The following NIPBL variants were observed in gnomAD, a reference collection of about 807,000 sequenced individuals.
NIPBL encodes NIPBL cohesin loading factor.
In NIPBL, 19 loss-of-function variants were observed where a neutral mutation model predicts 321.8. The observed-to-expected ratio is 0.06, with a 90% CI of 0.04 to 0.09. The LOEUF (loss-of-function observed/expected upper bound fraction) is 0.09. NIPBL is among the 10% of genes least tolerant of loss of function. The pLI is 1.00. For missense variants in NIPBL, 2,210 were observed against 3,327.0 expected (o/e 0.66, Z 8.26); for synonymous variants, 1,106 against 1,114.1 (o/e 0.99, Z 0.14).
intron 32 of NIPBL, among the ~76,000 whole-genome samples, chr5:37,030,888 G>A (rs923856051): frequency 1.4e-5 from 2 of 146,720 alleles, no homozygotes; most frequent in Admixed American, 1.4e-4. Flanking sequence ...CCAAGTAGCT[G>A]GAACCACAGG....
chr5:36,953,223 A>G (rs1026874664), intron 1 of NIPBL, among the ~76,000 whole-genome samples: 11 of 152,200 alleles, frequency 7.2e-5, no homozygotes, highest in Admixed American at 3.3e-4. Context: ...TAACGTGCTT[A>G]TAATGTGGAA....
At chr5:37,012,831 A>G (rs1748332699) in intron 21 of NIPBL, among the ~76,000 whole-genome samples, 1 of 152,170 alleles carries the variant, frequency 6.6e-6, no homozygotes, top group Non-Finnish European at 1.5e-5. Context: ...TTTTCTTAGT[A>G]CAGAACAAAA....
chr5:36,924,383 T>G (rs1015123211), intron 1 of NIPBL, among the ~76,000 whole-genome samples: 1 of 152,226 alleles, frequency 6.6e-6, no homozygotes, highest in African/African-American at 2.4e-5. Context: ...ATTTTTTTAT[T>G]GTGTCATTAA....
chr5:36,962,143 C>G lies in NIPBL; in HGVS notation c.479C>G (p.Thr160Arg), dbSNP rs763783306. The change falls in exon 6 of 47, where the codon ACA becomes AGA. Residue 160 changes from threonine to arginine, a missense_variant. Thr to Arg is a moderately conservative substitution (Grantham distance 71). Transcript: ENST00000282516. ...TTTAGCCGGTTTGTGCCACCACAGA[C>G]AAGCTCTGGGAACAGATTTATGCCA... ...SPSSRFVPPQ[T>R]SSGNRFMPQQ... The G allele has an allele frequency of 1.2e-6, 2 of 1,614,092 alleles. No individual in the cohort carries two copies. Among genetic ancestry groups the G allele is most frequent in the Non-Finnish European group, 1.7e-6 (2 of 1,179,990 alleles).
chr5:36,986,073 A>G lies in NIPBL; in HGVS notation c.2893A>G (p.Lys965Glu). The G allele has an allele frequency of 1.9e-6, 3 of 1,614,062 alleles. No homozygotes were observed. Among genetic ancestry groups the G allele is most frequent in the African/African-American group, 1.3e-5 (1 of 75,040 alleles). Reference sequence around the variant, plus strand: ...TGTCATTCCGAAAATCAAGAGGGATAAAGATGGCAATGTTACTCAGGAGAC... The same window carrying G: ...TGTCATTCCGAAAATCAAGAGGGATGAAGATGGCAATGTTACTCAGGAGAC... ...NFVIPKIKRD[K>E]DGNVTQETKK... The change falls in exon 10 of 47, where the codon AAA becomes GAA. Residue 965 changes from lysine (K) to glutamate (E), a missense_variant. Physicochemically the swap from Lys to Glu is moderately conservative, Grantham distance 56. This residue lies in a region of NIPBL where 588 missense variants were observed against 564.1 expected (regional missense o/e 1.04). Transcript: ENST00000282516.
chr5:36,914,930 A>T (rs764381737), intron 1 of NIPBL, among the ~76,000 whole-genome samples: 1 of 152,146 alleles, frequency 6.6e-6, no homozygotes, highest in Non-Finnish European at 1.5e-5. Context: ...TTTAAATACT[A>T]TTTTAACCTG....
At chr5:36,878,127 C>G (rs1317717615) in intron 1 of NIPBL, among the ~76,000 whole-genome samples, 3 of 152,176 alleles carry the variant, frequency 2.0e-5, no homozygotes, top group Non-Finnish European at 4.4e-5. Flanking sequence ...AACCACTTTT[C>G]TTTTCTTTTT....
chr5:37,065,124 C>A lies in NIPBL; in HGVS notation c.*232C>A. ...TTACTCCCACTGTATTATAGTTTAACAAAAATTGTTTATATCTTGGAAAAA... is the reference window on the plus strand; with the variant it reads ...TTACTCCCACTGTATTATAGTTTAAAAAAAATTGTTTATATCTTGGAAAAA... On this transcript the variant is annotated 3_prime_UTR_variant, in exon 47 of 47. Transcript: ENST00000282516. 1 of 531,164 alleles carries A rather than the reference C, an allele frequency of 1.9e-6. No individual in the cohort carries two copies. Among genetic ancestry groups the A allele is most frequent in the Non-Finnish European group, 3.3e-6 (1 of 301,766 alleles). 32.9% of individuals were successfully genotyped at this position (531,164 alleles called of 1,614,324 possible).
chr5:36,955,343 G>A, intron 2 of NIPBL, 129 bp from the exon 3 acceptor site: 2 of 776,260 alleles, frequency 2.6e-6, no homozygotes, highest in East Asian at 5.3e-5. Flanking sequence ...GTTAGGAAGA[G>A]GAGGAATGCC....
At chr5:36,904,455 G>A (rs1173054880) in intron 1 of NIPBL, among the ~76,000 whole-genome samples, 1 of 152,166 alleles carries the variant, frequency 6.6e-6, no homozygotes, top group East Asian at 1.9e-4. Context: ...TGTGACAAGA[G>A]CAAGATTTCC....
rs574053100 is a variant in NIPBL, at chr5:37,053,810, C to T, written c.7263+1244C>T. On this transcript the variant is annotated intron_variant, in intron 42 of 46. Coordinates refer to ENST00000282516, the MANE Select transcript of NIPBL (RefSeq NM_133433.4). Reference sequence around the variant, plus strand: ...TGCATCTGCTATGTACCAGCCATTGCGCTAAGAAGTTTAACGAGCATAAAA... The same window carrying T: ...TGCATCTGCTATGTACCAGCCATTGTGCTAAGAAGTTTAACGAGCATAAAA... 6.6e-5 allele frequency among the ~76,000 whole-genome samples: 10 copies of T among 152,234 alleles called. No individual in the cohort carries two copies. In the East Asian group the frequency reaches 9.6e-4, roughly 15 times the overall value.
chr5:36,923,194 T>C (rs1384115549), intron 1 of NIPBL, among the ~76,000 whole-genome samples: 1 of 152,076 alleles, frequency 6.6e-6, no homozygotes, highest in Non-Finnish European at 1.5e-5. Context: ...TAGTCCCAGC[T>C]ACTTGGGAGG....
rs192992005 is a variant in NIPBL at position 36,985,805 on chromosome 5, G to T, written c.2625G>T (p.Gly875=). Residue 875 remains glycine (G), a synonymous_variant, in exon 10 of 47, where the codon GGG becomes GGT. Coordinates refer to ENST00000282516, the MANE Select transcript of NIPBL (RefSeq NM_133433.4). The part of the protein sequence containing the change: ...KLERKHRHES[G]DSRERPSSGE... ...AACGAAAACACAGGCATGAATCAGGGGACTCAAGGGAAAGACCATCTTCTG... is the reference window on the plus strand; with the variant it reads ...AACGAAAACACAGGCATGAATCAGGTGACTCAAGGGAAAGACCATCTTCTG... 22 of 1,613,810 alleles carry T rather than the reference G, an allele frequency of 1.4e-5. No individual in the cohort carries two copies. The highest frequency in any genetic ancestry group is 1.9e-5 in the Non-Finnish European group (22 of 1,179,926).
intron 11 of NIPBL, among the ~76,000 whole-genome samples, chr5:36,999,889 A>G (rs1036295767): frequency 5.9e-5 from 9 of 152,320 alleles, no homozygotes; most frequent in African/African-American, 2.2e-4. Context: ...TTAGCTATTA[A>G]TTGATGATGT....
chr5:37,051,884 C>A lies in NIPBL; in HGVS notation c.7060C>A (p.His2354Asn). The A allele has an allele frequency of 6.2e-7, 1 of 1,602,374 alleles. No homozygotes were observed. The highest frequency in any genetic ancestry group is 8.6e-7 in the Non-Finnish European group (1 of 1,169,420). The change falls in exon 41 of 47, where the codon CAT (histidine) becomes AAT (asparagine). Residue 2354 changes from histidine (H) to asparagine (N), a missense_variant and splice_region_variant. His to Asn is a moderately conservative substitution (Grantham distance 68). Around this residue, in one of 14 missense-constraint regions of NIPBL, gnomAD observed 112 missense variants for 288.3 expected, o/e 0.39. Coordinates refer to ENST00000282516, the MANE Select transcript of NIPBL (RefSeq NM_133433.4). ...AGACAAAAAATATGCTGGATTCATT[C>A]ATGTATGTATTTTAACATTTTATAA... Reference protein sequence around the residue: ...EIDKKYAGFIHMKAVAGMKMS... With the variant: ...EIDKKYAGFINMKAVAGMKMS...
intron 10 of NIPBL, among the ~76,000 whole-genome samples, chr5:36,992,794 G>A (rs1423658902): frequency 6.6e-6 from 1 of 151,478 alleles, no homozygotes; most frequent in South Asian, 2.1e-4. Context: ...CCAGGCTGGA[G>A]TGCAGTGGCG....
Position 37,013,240 on chromosome 5 carries a change from G to A in NIPBL, c.4561-1443G>A, listed in dbSNP as rs537785225. 1.0e-4 allele frequency among the ~76,000 whole-genome samples: 15 copies of A among 149,844 alleles called. No individual in the cohort carries two copies. In the South Asian group the frequency reaches 2.1e-3, roughly 21 times the overall value. On this transcript the variant is annotated intron_variant, in intron 21 of 46. Coordinates refer to ENST00000282516, the MANE Select transcript of NIPBL (RefSeq NM_133433.4). ...AGGGGCTCCTCACTTCCCAGTAGGC[G>A]CGGCCGGGCAGAGGCGCCCCTCACC...
chr5:36,983,688 A>C (rs183266068), intron 9 of NIPBL, among the ~76,000 whole-genome samples: 1 of 152,140 alleles, frequency 6.6e-6, no homozygotes, highest in East Asian at 1.9e-4. Flanking sequence ...CCAAGACCTA[A>C]CTGGAGATTT....
chr5:37,055,306 C>T (rs374472302), intron 42 of NIPBL, among the ~76,000 whole-genome samples: 2 of 146,922 alleles, frequency 1.4e-5, no homozygotes, highest in African/African-American at 2.6e-5. Flanking sequence ...GAGCTGAGAT[C>T]GCACCACTGC....
Sources: gnomAD v4.1 joint callset for allele counts (sites outside exome capture counted in the v4.1 genomes callset) on GRCh38, gnomAD v4.1.1 for gene constraint, gnomAD v4.1.1 regional missense constraint, MANE v1.5 for transcripts, NCBI Gene and HGNC (gene_info 2026-07-23, HGNC 2026-07-21) for gene names.